The following PRKCQ variants were observed in gnomAD, a reference collection of about 807,000 sequenced individuals.
PRKCQ encodes the protein protein kinase C theta.
Under a neutral mutation model 91.2 loss-of-function variants are expected in PRKCQ, and 41 were observed. The ratio of observed to expected loss-of-function variants is 0.45; its 90% CI spans 0.35 to 0.58. The LOEUF (loss-of-function observed/expected upper bound fraction) is 0.58, where lower values mean the gene tolerates loss of function less well. Ranked by LOEUF, PRKCQ falls within the 20% of genes least tolerant of loss-of-function variation. PRKCQ has a pLI of 0.00. For synonymous variants in PRKCQ, 307 were observed against 316.9 expected (o/e 0.97, Z 0.33); for missense variants, 673 against 896.5 (o/e 0.75, Z 3.18).
At chr10:6,480,777 A>G (rs1564336336) in intron 11 of PRKCQ, among the ~76,000 whole-genome samples, 1 of 152,244 alleles carries the variant, frequency 6.6e-6, no homozygotes, top group Non-Finnish European at 1.5e-5. Context: ...TGATGTGACA[A>G]CAGCCCTGAA....
At chr10:6,534,396 C>T (rs565841561) in intron 1 of PRKCQ, among the ~76,000 whole-genome samples, 13 of 152,186 alleles carry the variant, frequency 8.5e-5, no homozygotes, top group Non-Finnish European at 1.5e-4. Context: ...AATATCCTTC[C>T]CCAGTACATA....
chr10:6,470,926 C>CA (rs5782901), intron 12 of PRKCQ, among the ~76,000 whole-genome samples: 3,654 of 135,400 alleles, frequency 0.027, 54 homozygotes, highest in South Asian at 0.052. Context: ...GAGACTGTCG[C>CA]AAAAAAAAAA....
chr10:6,486,085 T>C lies in PRKCQ; in HGVS notation c.850A>G (p.Asn284Asp). The C allele has an allele frequency of 6.2e-7, 1 of 1,614,206 alleles. No homozygotes were observed. The highest frequency in any genetic ancestry group is 8.5e-7 in the Non-Finnish European group (1 of 1,180,036). Residue 284 changes from asparagine (N) to aspartate (D), a missense_variant, in exon 9 of 18, where the codon AAC becomes GAC. Transcript: ENST00000263125. ...QTKVANLCGINQKLMAEALAM... is the reference protein window; with the variant it reads ...QTKVANLCGIDQKLMAEALAM... Reference sequence around the variant, plus strand: ...AGCGCTTCAGCCATTAGCTTCTGGTTTATGCCACAAAGGTTGGCCACCTTT... The same window carrying C: ...AGCGCTTCAGCCATTAGCTTCTGGTCTATGCCACAAAGGTTGGCCACCTTT...
At chr10:6,519,621 C>G (rs1397853636) in intron 1 of PRKCQ, among the ~76,000 whole-genome samples, 1 of 152,106 alleles carries the variant, frequency 6.6e-6, no homozygotes, top group Non-Finnish European at 1.5e-5. Context: ...AAATGCAGAC[C>G]CCAAGCCAGT....
At chr10:6,562,709 C>T (rs897639330) in intron 1 of PRKCQ, among the ~76,000 whole-genome samples, 2 of 152,206 alleles carry the variant, frequency 1.3e-5, no homozygotes, top group African/African-American at 4.8e-5. Flanking sequence ...GAACACAGAT[C>T]ATGGCATCAA....
At chr10:6,577,383 T>C (rs1841282416) in intron 1 of PRKCQ, among the ~76,000 whole-genome samples, 2 of 152,232 alleles carry the variant, frequency 1.3e-5, no homozygotes, top group East Asian at 3.8e-4. Context: ...TCATGACTTC[T>C]TCCTTAACAA....
chr10:6,559,719 T>C (rs1840552364), intron 1 of PRKCQ, among the ~76,000 whole-genome samples: 1 of 152,168 alleles, frequency 6.6e-6, no homozygotes, highest in Non-Finnish European at 1.5e-5. Context: ...ATATTTTTCT[T>C]CACTCTCCAT....
In PRKCQ at chr10:6,497,036, A is replaced by T. The variant is rs762222607; in HGVS notation, c.659T>A (p.Met220Lys). ...TCAAAGAGGAGTGTAAATACTCACC[A>T]TGGTTTCTCGGCTATTGATAGCTGA... ...TGSAINSRET[M>K]FHKERFKIDM... Residue 220 changes from methionine to lysine, a missense_variant and splice_region_variant, in exon 7 of 18, where the codon ATG becomes AAG. Coordinates refer to ENST00000263125, the MANE Select transcript of PRKCQ (RefSeq NM_006257.5). This position sits in a 1 kb window ranked among gnomAD's most constrained non-coding sequence, Gnocchi z 4.5. The T allele has an allele frequency of 9.3e-6, 15 of 1,611,696 alleles. No homozygotes were observed. Among genetic ancestry groups the T allele is most frequent in the Non-Finnish European group, 1.3e-5 (15 of 1,179,098 alleles).
At chr10:6,453,990 G>A (rs935371505) in intron 15 of PRKCQ, among the ~76,000 whole-genome samples, 4 of 151,954 alleles carry the variant, frequency 2.6e-5, no homozygotes, top group African/African-American at 9.7e-5. Context: ...GTTAATGGGT[G>A]CAGCACACCA....
chr10:6,564,871 TCA>T (rs1840781262), intron 1 of PRKCQ, among the ~76,000 whole-genome samples: 5 of 152,204 alleles, frequency 3.3e-5, no homozygotes, highest in African/African-American at 1.2e-4. Context: ...GGGTCCACTG[TCA>T]ATATATACCC....
the PRKCQ span, among the ~76,000 whole-genome samples, chr10:6,420,038 G>T: frequency 6.6e-6 from 1 of 152,056 alleles, no homozygotes; most frequent in Non-Finnish European, 1.5e-5. Context: ...GCCCAGGCTG[G>T]AGTGCAGTGG....
intron 4 of PRKCQ, among the ~76,000 whole-genome samples, chr10:6,501,282 G>GA (rs932125193): frequency 1.3e-5 from 2 of 151,780 alleles, no homozygotes; most frequent in Non-Finnish European, 2.9e-5. Context: ...GTAAAAAGGT[G>GA]AAAAAAAAGA....
the PRKCQ span, among the ~76,000 whole-genome samples, chr10:6,398,495 A>G: frequency 6.6e-6 from 1 of 152,254 alleles, no homozygotes; most frequent in Non-Finnish European, 1.5e-5. Flanking sequence ...AACAACAGGA[A>G]AATTCTATAA....
the PRKCQ span, among the ~76,000 whole-genome samples, chr10:6,408,788 C>T: frequency 3.9e-5 from 6 of 152,152 alleles, no homozygotes; most frequent in South Asian, 2.1e-4. Flanking sequence ...TCCACTCAAA[C>T]GTTTATGGGA....
intron 1 of PRKCQ, among the ~76,000 whole-genome samples, chr10:6,571,007 G>A (rs1048702335): frequency 2.0e-5 from 3 of 152,174 alleles, no homozygotes; most frequent in Admixed American, 6.5e-5. Context: ...CAAGACAGCT[G>A]CTGAGTGCGA....
chr10:6,545,470 G>A (rs547275379), intron 1 of PRKCQ, among the ~76,000 whole-genome samples: 4 of 152,272 alleles, frequency 2.6e-5, no homozygotes, highest in South Asian at 2.1e-4. Flanking sequence ...CATTATGCTC[G>A]GTGAAAGAAG....
chr10:6,574,958 C>T (rs1476358310), intron 1 of PRKCQ, among the ~76,000 whole-genome samples: 2 of 32,278 alleles, frequency 6.2e-5, no homozygotes, highest in Admixed American at 6.4e-4. Flanking sequence ...AGTGTGTCCC[C>T]TACTGAAACA....
At chr10:6,458,324 G>A (rs1835137620) in intron 14 of PRKCQ, among the ~76,000 whole-genome samples, 2 of 152,152 alleles carry the variant, frequency 1.3e-5, no homozygotes, top group Non-Finnish European at 2.9e-5. Flanking sequence ...GGAGTGCCAA[G>A]GAAGACCAGT....
intron 1 of PRKCQ, among the ~76,000 whole-genome samples, chr10:6,561,470 AC>A (rs1361309529): frequency 6.6e-6 from 1 of 152,046 alleles, no homozygotes; most frequent in Non-Finnish European, 1.5e-5. Flanking sequence ...GTGCTTCAGG[AC>A]CCTGTCAAAT....
Sources: allele counts gnomAD v4.1 joint callset (sites outside exome capture counted in the v4.1 genomes callset), GRCh38; gene constraint gnomAD v4.1.1; non-coding constraint Gnocchi (gnomAD v3.1); transcripts MANE v1.5; gene names NCBI Gene and HGNC (gene_info 2026-07-23, HGNC 2026-07-21).